Variants in WWOX observed in about 807,000 individuals in gnomAD.
The protein encoded by WWOX is WW domain-containing oxidoreductase.
WWOX carries 69 observed loss-of-function variants against 46.2 expected under a neutral mutation model. That is an observed-to-expected ratio of 1.49 (90% CI 1.23 to 1.82). The LOEUF is 1.82. WWOX is among the 40% of genes most tolerant of loss of function. The pLI is 0.00. For synonymous variants in WWOX, 359 were observed against 202.6 expected (o/e 1.77, Z -6.56); for missense variants, 919 against 542.6 (o/e 1.69, Z -6.89).
chr16:79,048,329 C>A (rs2048104255), intron 8 of WWOX, among the ~76,000 whole-genome samples: 1 of 152,038 alleles, frequency 6.6e-6, no homozygotes, highest in Non-Finnish European at 1.5e-5. Flanking sequence ...GCCCTCCAGC[C>A]CCACACACAT....
chr16:78,522,882 G>T (rs951308499), intron 8 of WWOX, among the ~76,000 whole-genome samples: 1 of 152,184 alleles, frequency 6.6e-6, no homozygotes. Flanking sequence ...GACCAGCCTG[G>T]CCAACATGGT....
chr16:78,808,701 C>G (rs191872257), intron 8 of WWOX, among the ~76,000 whole-genome samples: 54 of 152,292 alleles, frequency 3.5e-4, no homozygotes, highest in African/African-American at 1.1e-3. Flanking sequence ...AGTCCTCACA[C>G]TAGATTGAGT....
At chr16:78,444,777 G>A (rs529710690) in intron 8 of WWOX, among the ~76,000 whole-genome samples, 9 of 152,136 alleles carry the variant, frequency 5.9e-5, no homozygotes, top group East Asian at 5.8e-4. Flanking sequence ...TGATCCACCC[G>A]CCTCGGCCTC....
chr16:78,692,780 G>C (rs1310824057), intron 8 of WWOX, among the ~76,000 whole-genome samples: 2 of 152,158 alleles, frequency 1.3e-5, no homozygotes, highest in East Asian at 3.8e-4. Context: ...CCCTGTTGGG[G>C]GTACTGATAC....
intron 8 of WWOX, among the ~76,000 whole-genome samples, chr16:78,772,347 C>T (rs975643534): frequency 2.0e-5 from 3 of 152,212 alleles, no homozygotes; most frequent in Admixed American, 6.5e-5. Flanking sequence ...CTAGCCCCGT[C>T]CGTGTTCTCG....
At chr16:78,728,638 G>C (rs985951583) in intron 8 of WWOX, among the ~76,000 whole-genome samples, 1 of 152,204 alleles carries the variant, frequency 6.6e-6, no homozygotes, top group African/African-American at 2.4e-5. Flanking sequence ...TTCTGGAAGG[G>C]TCTCAGAGAC....
intron 8 of WWOX, among the ~76,000 whole-genome samples, chr16:78,541,727 G>T (rs890426446): frequency 5.9e-5 from 9 of 151,908 alleles, no homozygotes; most frequent in African/African-American, 1.7e-4. Flanking sequence ...TATCTGTAAG[G>T]TGGCAGTTAC....
At position 79,106,582 on chromosome 16, in the gene WWOX, A is replaced by ATTTTTTTTTTTTTTTTTTTT. The variant is rs752318131; in HGVS notation, c.1057-105012_1057-104993dup. On this transcript the variant is annotated intron_variant, in intron 8 of 8. Transcript: ENST00000566780. ...CCTAAAATGACTCTTTCTTAAAATAATTTTTTTTTTTTTTTTTTTTTTTTT... is the reference window on the plus strand; with the variant it reads ...CCTAAAATGACTCTTTCTTAAAATAATTTTTTTTTTTTTTTTTTTTTTTTTTTTTTTTTTTTTTTTTTTTT... 3.0e-4 allele frequency: 24 copies of ATTTTTTTTTTTTTTTTTTTT among 79,524 alleles called. 1 individual carries two copies. The highest frequency in any genetic ancestry group is 1.2e-3 in the African/African-American group (22 of 18,842). The allele number at this position is 79,524 out of a possible 1,614,324, so 4.9% of individuals were successfully genotyped here. A position where few individuals can be genotyped will look rare whatever the true frequency, so the allele number is the denominator to read the frequency against.
At chr16:78,239,095 G>C (rs777010792) in intron 5 of WWOX, among the ~76,000 whole-genome samples, 1 of 152,156 alleles carries the variant, frequency 6.6e-6, no homozygotes, top group Non-Finnish European at 1.5e-5. Flanking sequence ...GCTGTTGTGT[G>C]TTTCCTCCTC....
intron 5 of WWOX, among the ~76,000 whole-genome samples, chr16:78,347,812 A>G (rs1309350808): frequency 2.5e-5 from 3 of 121,644 alleles, no homozygotes; most frequent in African/African-American, 8.3e-5. Context: ...CTTTTTTCTT[A>G]TCTCTACTTA....
At chr16:78,798,283 C>T (rs1278160706) in intron 8 of WWOX, among the ~76,000 whole-genome samples, 1 of 151,860 alleles carries the variant, frequency 6.6e-6, no homozygotes, top group Non-Finnish European at 1.5e-5. Context: ...GAGTAGAAGT[C>T]AGGCTCAGAT....
Position 78,101,346 on chromosome 16 carries a change from C to CTTTTTTTT in WWOX, c.107+1471_107+1478dup, listed in dbSNP as rs71137871. Among the ~76,000 whole-genome samples, 385 of 66,834 alleles carry CTTTTTTTT rather than the reference C, an allele frequency of 5.8e-3. 53 individuals carry two copies. The highest frequency in any genetic ancestry group is 8.1e-3 in the Non-Finnish European group (268 of 33,146). The allele number at this position is 66,834 out of a possible 152,430, so 43.8% of individuals were successfully genotyped here. A position where few individuals can be genotyped will look rare whatever the true frequency, so the allele number is the denominator to read the frequency against. ...ACAGGCGTGAGCTACCGCTCCCGGCCTTTTTTTTTTTTTTTTTAAAGACAG... is the reference window on the plus strand; with the variant it reads ...ACAGGCGTGAGCTACCGCTCCCGGCCTTTTTTTTTTTTTTTTTTTTTTTTTAAAGACAG... On this transcript the variant is annotated intron_variant, in intron 1 of 8. Coordinates refer to ENST00000566780, the MANE Select transcript of WWOX (RefSeq NM_016373.4).
At chr16:78,302,034 G>T (rs4888777) in intron 5 of WWOX, among the ~76,000 whole-genome samples, 1 of 151,170 alleles carries the variant, frequency 6.6e-6, no homozygotes, top group Non-Finnish European at 1.5e-5. Flanking sequence ...AATCTCAGCT[G>T]ATTGTAACCT....
chr16:78,231,786 A>G (rs966427749), intron 5 of WWOX, among the ~76,000 whole-genome samples: 7 of 152,162 alleles, frequency 4.6e-5, no homozygotes, highest in African/African-American at 1.7e-4. Flanking sequence ...AACGGGTCCC[A>G]TCTTGATTTC....
At chr16:79,033,501 G>A (rs185146883) in intron 8 of WWOX, among the ~76,000 whole-genome samples, 9 of 152,088 alleles carry the variant, frequency 5.9e-5, no homozygotes, top group African/African-American at 2.2e-4. Context: ...GCAAAATCGA[G>A]TGGAAGGTAC....
intron 8 of WWOX, among the ~76,000 whole-genome samples, chr16:79,052,117 C>G (rs1021274367): frequency 6.6e-6 from 1 of 151,488 alleles, no homozygotes; most frequent in Admixed American, 6.6e-5. Flanking sequence ...TATACATGTG[C>G]CATGCTGGTG....
At chr16:79,015,963 A>G (rs898765040) in intron 8 of WWOX, among the ~76,000 whole-genome samples, 9 of 152,244 alleles carry the variant, frequency 5.9e-5, no homozygotes, top group Non-Finnish European at 1.0e-4. Flanking sequence ...GTTGGCCAGG[A>G]TGATCTTGAT....
chr16:79,205,738 G>C (rs1205506490), intron 8 of WWOX: 1 of 152,166 alleles, frequency 6.6e-6, no homozygotes, highest in Non-Finnish European at 1.5e-5. Flanking sequence ...CTGGATTGTT[G>C]AAGGCCTTTG....
intron 5 of WWOX, among the ~76,000 whole-genome samples, chr16:78,367,817 T>C (rs957920560): frequency 6.6e-6 from 1 of 151,944 alleles, no homozygotes; most frequent in African/African-American, 2.4e-5. Flanking sequence ...AGTGCAGTGG[T>C]GCAATCTCAG....
Sources: gnomAD v4.1 joint callset for allele counts (sites outside exome capture counted in the v4.1 genomes callset) on GRCh38, gnomAD v4.1.1 for gene constraint, MANE v1.5 for transcripts, NCBI Gene and HGNC (gene_info 2026-07-23, HGNC 2026-07-21) for gene names.